The following LRRC7 variants were observed in gnomAD, a reference collection of about 807,000 sequenced individuals.
LRRC7 encodes the protein leucine rich repeat containing 7, also known as leucine-rich repeat-containing protein 7.
Under a neutral mutation model 175.7 loss-of-function variants are expected in LRRC7, and 23 were observed. That is an observed-to-expected ratio of 0.13 (90% CI 0.09 to 0.19). The LOEUF (loss-of-function observed/expected upper bound fraction) is 0.19. Among genes scored for constraint, LRRC7 ranks in the 10% least tolerant of loss-of-function variants. The probability of loss-of-function intolerance (pLI) is 1.00; values close to 1 mark genes in which losing one functional copy is unlikely to be tolerated. For synonymous variants in LRRC7, 685 were observed against 680.9 expected (o/e 1.01, Z -0.09); for missense variants, 1,354 against 1,904.7 (o/e 0.71, Z 5.38).
rs908613473 is a variant in LRRC7, at chr1:69,619,193, T to C, written c.2+50552T>C. Among the ~76,000 whole-genome samples, 7 of 152,288 alleles carry C rather than the reference T, an allele frequency of 4.6e-5. No individual in the cohort carries two copies. The East Asian group carries it at 1.4e-3, about 29-fold the overall frequency. ...TCAGCAGTTCTCAAACGCTGGTCCA[T>C]GGACCTGAAATGGAGTGCTCTGCAA... On this transcript the variant is annotated intron_variant, in intron 1 of 26. Transcript: ENST00000651989.
intron 1 of LRRC7, among the ~76,000 whole-genome samples, chr1:69,623,465 AT>A (rs2100330828): frequency 6.6e-6 from 1 of 152,140 alleles, no homozygotes; most frequent in Admixed American, 6.5e-5. Context: ...TAAACCTACC[AT>A]AAACCTAAGG....
intron 7 of LRRC7, among the ~76,000 whole-genome samples, chr1:69,844,956 G>A (rs926637836): frequency 6.6e-6 from 1 of 152,096 alleles, no homozygotes; most frequent in Non-Finnish European, 1.5e-5. Flanking sequence ...AGAAGAATTT[G>A]CACTTCCATA....
intron 21 of LRRC7, among the ~76,000 whole-genome samples, chr1:70,043,522 C>T (rs1402887637): frequency 6.6e-6 from 1 of 152,038 alleles, no homozygotes; most frequent in Non-Finnish European, 1.5e-5. Flanking sequence ...AAATTAGAAA[C>T]TAATATTTGT....
rs1666600746 is a variant in LRRC7 at position 70,129,951 on chromosome 1, C to G, written c.*8064C>G. Among the ~76,000 whole-genome samples, 1 of 152,182 alleles carries G rather than the reference C, an allele frequency of 6.6e-6. No individual in the cohort carries two copies. The highest frequency in any genetic ancestry group is 2.4e-5 in the African/African-American group (1 of 41,434). The stretch of plus-strand genomic sequence containing the variant: ...TTTTATATTTCAGCTTTTGCCCACA[C>G]TATCCCTCTACTGGAATGCCTTCCT... On this transcript the variant is annotated 3_prime_UTR_variant, in exon 27 of 27. Coordinates refer to ENST00000651989, the MANE Select transcript of LRRC7 (RefSeq NM_001370785.2).
At chr1:69,689,355 T>C (rs1570366427) in intron 2 of LRRC7, among the ~76,000 whole-genome samples, 1 of 152,176 alleles carries the variant, frequency 6.6e-6, no homozygotes, top group Non-Finnish European at 1.5e-5. Flanking sequence ...CTCTAAAAGC[T>C]ATCTTAGTCC....
chr1:69,591,970 A>AT (rs1646654553), intron 1 of LRRC7, among the ~76,000 whole-genome samples: 1 of 152,030 alleles, frequency 6.6e-6, no homozygotes, highest in South Asian at 2.1e-4. Flanking sequence ...ATATTAATCT[A>AT]ATTAAGTTCC....
chr1:69,632,593 T>C (rs1323461932), intron 1 of LRRC7, among the ~76,000 whole-genome samples: 1 of 152,160 alleles, frequency 6.6e-6, no homozygotes, highest in Non-Finnish European at 1.5e-5. Context: ...CATCATATTT[T>C]GTTCTCTTCT....
At chr1:69,571,399 C>G (rs974665472) in intron 1 of LRRC7, among the ~76,000 whole-genome samples, 3 of 152,118 alleles carry the variant, frequency 2.0e-5, no homozygotes, top group Non-Finnish European at 2.9e-5. Context: ...AAATACAGAA[C>G]ATAAGCTTAA....
At chr1:70,054,652 C>T (rs767246022) in intron 23 of LRRC7, among the ~76,000 whole-genome samples, 3 of 115,542 alleles carry the variant, frequency 2.6e-5, no homozygotes, top group African/African-American at 3.6e-5. Flanking sequence ...AGCGCAGTGG[C>T]GCGATCTCTG....
chr1:69,869,118 G>A (rs1465936892), intron 7 of LRRC7, among the ~76,000 whole-genome samples: 3 of 151,976 alleles, frequency 2.0e-5, no homozygotes, highest in Non-Finnish European at 4.4e-5. Context: ...GCCCACAACG[G>A]GGAGTGATGT....
At chr1:70,061,775 A>T (rs1661597343) in intron 23 of LRRC7, among the ~76,000 whole-genome samples, 1 of 152,200 alleles carries the variant, frequency 6.6e-6, no homozygotes, top group African/African-American at 2.4e-5. Flanking sequence ...TTACCTCTAG[A>T]TCTACGGAAA....
At chr1:69,837,016 C>A (rs1681194897) in intron 6 of LRRC7, among the ~76,000 whole-genome samples, 1 of 151,850 alleles carries the variant, frequency 6.6e-6, no homozygotes, top group Non-Finnish European at 1.5e-5. Context: ...AATATCTGTT[C>A]TAAAGTAGCT....
At chr1:69,822,859 G>A (rs955158971) in intron 4 of LRRC7, among the ~76,000 whole-genome samples, 2 of 152,152 alleles carry the variant, frequency 1.3e-5, no homozygotes, top group African/African-American at 4.8e-5. Flanking sequence ...TCATCTGCAG[G>A]TGGTTGCCAA....
At position 69,858,978 on chromosome 1, in the gene LRRC7, T is replaced by C. The variant is rs533538637; in HGVS notation, c.647+20695T>C. Among the ~76,000 whole-genome samples, 27 of 152,204 alleles carry C rather than the reference T, an allele frequency of 1.8e-4. No homozygotes were observed. In the South Asian group the frequency reaches 3.7e-3, roughly 21 times the overall value. On this transcript the variant is annotated intron_variant, in intron 7 of 26. Coordinates refer to ENST00000651989, the MANE Select transcript of LRRC7 (RefSeq NM_001370785.2). ...TATACGAACTCAACAGCACAGCACC[T>C]AAGTGCATAAAGCAAATATTGACAG...
At chr1:69,663,150 CT>C (rs965229687) in intron 1 of LRRC7, among the ~76,000 whole-genome samples, 3 of 151,718 alleles carry the variant, frequency 2.0e-5, no homozygotes, top group East Asian at 1.9e-4. Context: ...TTTTTAATTC[CT>C]TTTTTTATTT....
chr1:69,834,646 T>C (rs1422153183), intron 5 of LRRC7, 134 bp from the exon 6 acceptor site: 1 of 745,048 alleles, frequency 1.3e-6, no homozygotes, highest in African/African-American at 1.8e-5. Context: ...ATAAATTCTT[T>C]CATTACTGTA....
intron 7 of LRRC7, among the ~76,000 whole-genome samples, chr1:69,882,096 G>A (rs1686679745): frequency 6.8e-6 from 1 of 148,074 alleles, no homozygotes; most frequent in Non-Finnish European, 1.5e-5. Flanking sequence ...TTCCAAAGAA[G>A]ACTTATGAAT....
At chr1:69,869,867 A>T (rs1236306464) in intron 7 of LRRC7, among the ~76,000 whole-genome samples, 1 of 152,206 alleles carries the variant, frequency 6.6e-6, no homozygotes, top group Non-Finnish European at 1.5e-5. Context: ...TTAGGCTTTC[A>T]TGTGCTAGCC....
At chr1:69,974,200 TC>T (rs1010518869) in intron 8 of LRRC7, among the ~76,000 whole-genome samples, 1 of 152,226 alleles carries the variant, frequency 6.6e-6, no homozygotes, top group African/African-American at 2.4e-5. Context: ...TATAGATAAT[TC>T]ATTTTCATTG....
Sources: allele counts gnomAD v4.1 joint callset (sites outside exome capture counted in the v4.1 genomes callset), GRCh38; gene constraint gnomAD v4.1.1; transcripts MANE v1.5; gene names NCBI Gene and HGNC (gene_info 2026-07-23, HGNC 2026-07-21).